NTN1: variants seen among roughly 807,000 people sequenced by gnomAD.
The protein encoded by NTN1 is netrin-1.
In NTN1, 11 loss-of-function variants were observed where a neutral mutation model predicts 54.2. The observed-to-expected ratio is 0.20, with a 90% CI of 0.13 to 0.34. The LOEUF (loss-of-function observed/expected upper bound fraction) is 0.34. Among genes scored for constraint, NTN1 ranks in the 10% least tolerant of loss-of-function variants. The probability of loss-of-function intolerance (pLI) is 1.00; values close to 1 mark genes in which losing one functional copy is unlikely to be tolerated. For synonymous variants in NTN1, 371 were observed against 382.0 expected (o/e 0.97, Z 0.33); for missense variants, 740 against 893.1 (o/e 0.83, Z 2.18).
At chr17:9,114,183 A>ATATATG (rs1299459072) in intron 2 of NTN1, among the ~76,000 whole-genome samples, 16 of 138,814 alleles carry the variant, frequency 1.2e-4, no homozygotes, top group African/African-American at 4.2e-4. Context: ...ATATATATAT[A>ATATATG]TATGATTCAG....
At chr17:9,166,701 G>C (rs549854755) in intron 3 of NTN1, among the ~76,000 whole-genome samples, 4 of 152,292 alleles carry the variant, frequency 2.6e-5, no homozygotes, top group Non-Finnish European at 5.9e-5. Flanking sequence ...CTTCAGGTGA[G>C]AGCTGCACTT....
At chr17:9,235,021 G>T (rs887542354) in intron 6 of NTN1, among the ~76,000 whole-genome samples, 2 of 144,982 alleles carry the variant, frequency 1.4e-5, no homozygotes, top group African/African-American at 5.2e-5. Context: ...GGAGTGCAGT[G>T]GTGCGATCTC....
intron 5 of NTN1, among the ~76,000 whole-genome samples, chr17:9,197,322 CAG>C (rs1597532691): frequency 6.6e-6 from 1 of 152,014 alleles, no homozygotes; most frequent in Non-Finnish European, 1.5e-5. Flanking sequence ...TGGAGTGACA[CAG>C]AGGCTTAGCA....
At chr17:9,086,368 T>C (rs1455738212) in intron 2 of NTN1, among the ~76,000 whole-genome samples, 1 of 152,014 alleles carries the variant, frequency 6.6e-6, no homozygotes, top group South Asian at 2.1e-4. Context: ...CAAACAAACA[T>C]TGAGATCATT....
At chr17:9,033,010 A>G (rs1290152613) in intron 2 of NTN1, among the ~76,000 whole-genome samples, 1 of 150,082 alleles carries the variant, frequency 6.7e-6, no homozygotes, top group Non-Finnish European at 1.5e-5. Flanking sequence ...CTGGAGTGCA[A>G]TGGCACCGTG....
intron 3 of NTN1, among the ~76,000 whole-genome samples, chr17:9,166,161 A>ACCG (rs2092372500): frequency 7.0e-5 from 2 of 28,594 alleles, no homozygotes; most frequent in Non-Finnish European, 1.6e-4. Flanking sequence ...CACCACCACC[A>ACCG]CCACCACCAC....
intron 2 of NTN1, among the ~76,000 whole-genome samples, chr17:9,118,266 T>A (rs1479670573): frequency 6.6e-6 from 1 of 152,196 alleles, no homozygotes; most frequent in African/African-American, 2.4e-5. Flanking sequence ...ACGCCTGTAA[T>A]CCCAGCACTC....
intron 2 of NTN1, among the ~76,000 whole-genome samples, chr17:9,129,537 T>G (rs895655874): frequency 6.6e-6 from 1 of 152,222 alleles, no homozygotes; most frequent in Non-Finnish European, 1.5e-5. Context: ...AAAAGTTCTG[T>G]TCAGGCTAAA....
the NTN1 span, among the ~76,000 whole-genome samples, chr17:9,016,375 C>T: frequency 6.6e-6 from 1 of 152,120 alleles, no homozygotes; most frequent in African/African-American, 2.4e-5. Flanking sequence ...CCTCGGAAGG[C>T]CTTGTCATCC....
intron 2 of NTN1, among the ~76,000 whole-genome samples, chr17:9,031,411 T>C (rs1243184498): frequency 1.3e-5 from 2 of 152,200 alleles, no homozygotes; most frequent in Non-Finnish European, 2.9e-5. Context: ...AGGGCAGACA[T>C]TGGCAATCAA....
chr17:9,162,525 G>C (rs543310899), intron 2 of NTN1, among the ~76,000 whole-genome samples: 1 of 152,352 alleles, frequency 6.6e-6, no homozygotes, highest in East Asian at 1.9e-4. Context: ...TGAGGGCCTT[G>C]TTTTAAGACT....
chr17:9,026,575 G>A (rs1282451225), intron 2 of NTN1, among the ~76,000 whole-genome samples: 1 of 152,084 alleles, frequency 6.6e-6, no homozygotes, highest in African/African-American at 2.4e-5. Context: ...ACCCATGCAT[G>A]GTGGGGCTGT....
chr17:9,187,676 A>AG (rs2092437794), intron 5 of NTN1, among the ~76,000 whole-genome samples: 1 of 151,290 alleles, frequency 6.6e-6, no homozygotes, highest in Non-Finnish European at 1.5e-5. Flanking sequence ...AAAAAAAAAA[A>AG]AAACATTAGC....
At chr17:9,180,772 C>T (rs1597523250) in intron 4 of NTN1, among the ~76,000 whole-genome samples, 1 of 152,232 alleles carries the variant, frequency 6.6e-6, no homozygotes, top group East Asian at 1.9e-4. Context: ...TACAGCTGTT[C>T]GCAGGGGCTC....
intron 2 of NTN1, among the ~76,000 whole-genome samples, chr17:9,085,248 C>T (rs149937210): frequency 1.2e-3 from 177 of 152,312 alleles, no homozygotes; most frequent in African/African-American, 4.1e-3. Flanking sequence ...GCCCCCTGTC[C>T]AGCTGCTCTG....
intron 2 of NTN1, among the ~76,000 whole-genome samples, chr17:9,047,895 T>C (rs1323728494): frequency 1.3e-5 from 2 of 152,106 alleles, no homozygotes; most frequent in Middle Eastern, 3.4e-3. Flanking sequence ...GGGGTTTCAC[T>C]ATATTGGCCA....
chr17:9,207,128 C>T (rs754097082), intron 5 of NTN1, among the ~76,000 whole-genome samples: 4 of 152,042 alleles, frequency 2.6e-5, no homozygotes, highest in East Asian at 1.9e-4. Context: ...TTATGTGTCC[C>T]GGGCCCTGGG....
At chr17:9,215,160 A>G (rs1029774522) in intron 5 of NTN1, among the ~76,000 whole-genome samples, 2 of 151,878 alleles carry the variant, frequency 1.3e-5, no homozygotes, top group African/African-American at 2.4e-5. Flanking sequence ...AAAGGGTTTT[A>G]TTCCCCACCT....
intron 2 of NTN1, among the ~76,000 whole-genome samples, chr17:9,145,007 G>A (rs112633891): frequency 3.9e-5 from 6 of 152,362 alleles, no homozygotes; most frequent in African/African-American, 1.4e-4. Flanking sequence ...GCCAGAAGGT[G>A]GAGCGGCGGG....
Sources: gnomAD v4.1 joint callset for allele counts (sites outside exome capture counted in the v4.1 genomes callset) on GRCh38, gnomAD v4.1.1 for gene constraint, MANE v1.5 for transcripts, NCBI Gene and HGNC (gene_info 2026-07-23, HGNC 2026-07-21) for gene names.